The following CALD1 variants were observed in gnomAD, a reference collection of about 807,000 sequenced individuals.
The protein encoded by CALD1 is caldesmon 1.
A neutral mutation model predicts 99.9 loss-of-function variants in CALD1; 33 were observed. The observed-to-expected ratio is 0.33, with a 90% CI of 0.25 to 0.44. CALD1 has a LOEUF of 0.44. Ranked by LOEUF, CALD1 falls within the 20% of genes least tolerant of loss-of-function variation. CALD1 has a pLI of 1.00. For synonymous variants in CALD1, 310 were observed against 325.0 expected (o/e 0.95, Z 0.50); for missense variants, 861 against 962.1 (o/e 0.89, Z 1.39).
intron 2 of CALD1, among the ~76,000 whole-genome samples, chr7:134,857,719 A>G (rs750167464): frequency 6.6e-6 from 1 of 152,104 alleles, no homozygotes; most frequent in Non-Finnish European, 1.5e-5. Context: ...TGGGTTTCAA[A>G]CCTTTCCACC....
At chr7:134,913,242 G>A (rs753333889) in intron 3 of CALD1, among the ~76,000 whole-genome samples, 5 of 151,988 alleles carry the variant, frequency 3.3e-5, no homozygotes, top group Admixed American at 6.6e-5. Context: ...CTCCAGCCTA[G>A]GCAACAAGAG....
the CALD1 span, among the ~76,000 whole-genome samples, chr7:134,711,680 A>ATATGTGTG: frequency 9.1e-5 from 10 of 109,582 alleles, no homozygotes; most frequent in African/African-American, 3.1e-4. Context: ...ATATATATAT[A>ATATGTGTG]TGTGTGTGTG....
intron 3 of CALD1, chr7:134,928,130 C>T: frequency 3.4e-6 from 1 of 295,434 alleles, no homozygotes; most frequent in South Asian, 2.9e-5. Flanking sequence ...ACTTTGGGTC[C>T]CTTCTTCTAA....
At chr7:134,778,711 G>A (rs1796984859), upstream of CALD1, among the ~76,000 whole-genome samples, 1 of 152,160 alleles carries the variant, frequency 6.6e-6, no homozygotes, top group South Asian at 2.1e-4. Context: ...GACGTCACCT[G>A]AACATTATGT....
At chr7:134,955,676 C>T (rs1178183905) in intron 9 of CALD1, among the ~76,000 whole-genome samples, 1 of 152,176 alleles carries the variant, frequency 6.6e-6, no homozygotes, top group Non-Finnish European at 1.5e-5. Context: ...TTCCACCGCT[C>T]TGATCTCATT....
At chr7:134,942,694 A>G (rs1424351085) in intron 7 of CALD1, among the ~76,000 whole-genome samples, 2 of 152,238 alleles carry the variant, frequency 1.3e-5, no homozygotes, top group African/African-American at 2.4e-5. Context: ...AAAGTGTTCA[A>G]TGAATATTAC....
At chr7:134,867,433 C>T (rs1473554411) in intron 2 of CALD1, among the ~76,000 whole-genome samples, 1 of 152,100 alleles carries the variant, frequency 6.6e-6, no homozygotes, top group South Asian at 2.1e-4. Flanking sequence ...TTCAAGTCTT[C>T]AAAACCTCTC....
intron 1 of CALD1, among the ~76,000 whole-genome samples, chr7:134,749,035 T>C (rs767447201): frequency 3.9e-5 from 6 of 152,218 alleles, no homozygotes; most frequent in Non-Finnish European, 8.8e-5. Context: ...GAGTTTGGAC[T>C]TCCCGACTTC....
chr7:134,774,718 A>G (rs1231078908), upstream of CALD1, among the ~76,000 whole-genome samples: 1 of 152,132 alleles, frequency 6.6e-6, no homozygotes, highest in Non-Finnish European at 1.5e-5. Context: ...TCTTGCTGGC[A>G]TCCTAATTCA....
At chr7:134,732,515 A>T in the CALD1 span, among the ~76,000 whole-genome samples, 2 of 152,238 alleles carry the variant, frequency 1.3e-5, no homozygotes, top group African/African-American at 4.8e-5. Flanking sequence ...GGACTCACAG[A>T]AGGTGCCATC....
intron 1 of CALD1, among the ~76,000 whole-genome samples, chr7:134,837,344 C>CTT (rs57250900): frequency 2.0e-5 from 3 of 146,968 alleles, no homozygotes; most frequent in Non-Finnish European, 4.5e-5. Context: ...TTTCGTTCTC[C>CTT]TTTTTTTTTT....
At chr7:134,869,207 C>T (rs1800948341) in intron 3 of CALD1, among the ~76,000 whole-genome samples, 1 of 151,902 alleles carries the variant, frequency 6.6e-6, no homozygotes, top group African/African-American at 2.4e-5. Context: ...GGAAACGGAG[C>T]CTGTCTAGGT....
At chr7:134,861,226 T>C (rs575047319) in intron 2 of CALD1, among the ~76,000 whole-genome samples, 3 of 147,756 alleles carry the variant, frequency 2.0e-5, no homozygotes, top group Admixed American at 6.7e-5. Context: ...ACAAAGCTCA[T>C]AGAGCTTCAG....
chr7:134,904,368 C>T (rs1328919114), intron 3 of CALD1, among the ~76,000 whole-genome samples: 3 of 151,744 alleles, frequency 2.0e-5, no homozygotes, highest in African/African-American at 7.3e-5. Context: ...ATTGCTTGAT[C>T]CCAGGAGTTT....
Position 134,933,152 on chromosome 7 carries a change from C to G in CALD1, c.383C>G (p.Ala128Gly). 1 of 1,613,350 alleles carries G rather than the reference C, an allele frequency of 6.2e-7. No individual in the cohort carries two copies. The highest frequency in any genetic ancestry group is 8.5e-7 in the Non-Finnish European group (1 of 1,179,868). Residue 128 changes from alanine (A) to glycine (G), a missense_variant, in exon 5 of 15, where the codon GCA becomes GGA. Coordinates refer to ENST00000361675, the MANE Select transcript of CALD1 (RefSeq NM_033138.4). Reference sequence around the variant, plus strand: ...GAGTTCGACCCAACAATAACAGATGCAAGTCTGTCGCTCCCAAGCAGAAGA... The same window carrying G: ...GAGTTCGACCCAACAATAACAGATGGAAGTCTGTCGCTCCCAAGCAGAAGA... ...QKEFDPTITD[A>G]SLSLPSRRMQ...
chr7:134,929,660 A>G (rs368734134), intron 4 of CALD1, among the ~76,000 whole-genome samples: 472 of 6,166 alleles, frequency 0.077, 23 homozygotes, highest in African/African-American at 0.15. Flanking sequence ...ATATATATAT[A>G]TATATATATA....
chr7:134,872,357 C>CA (rs35569742), intron 3 of CALD1, among the ~76,000 whole-genome samples: 14,151 of 97,870 alleles, frequency 0.14, 1,334 homozygotes, highest in Middle Eastern at 0.2. Context: ...GACTCGGTCT[C>CA]AAAAAAAAAA....
At chr7:134,826,492 GTTTAGGA>G in intron 1 of CALD1, among the ~76,000 whole-genome samples, 1 of 152,200 alleles carries the variant, frequency 6.6e-6, no homozygotes, top group South Asian at 2.1e-4. Flanking sequence ...ACTTTTTACA[GTTTAGGA>G]GACCCAATTT....
chr7:134,914,399 T>C (rs1316750209), intron 3 of CALD1, among the ~76,000 whole-genome samples: 1 of 152,214 alleles, frequency 6.6e-6, no homozygotes, highest in Non-Finnish European at 1.5e-5. Context: ...TAGCTGGCCC[T>C]AATTTCTTTT....
Sources: allele counts gnomAD v4.1 joint callset (sites outside exome capture counted in the v4.1 genomes callset), GRCh38; gene constraint gnomAD v4.1.1; transcripts MANE v1.5; gene names NCBI Gene and HGNC (gene_info 2026-07-23, HGNC 2026-07-21).